The following C12orf42 variants were observed in gnomAD, a reference collection of about 807,000 sequenced individuals.
C12orf42 encodes chromosome 12 open reading frame 42.
In C12orf42, 25 loss-of-function variants were observed where a neutral mutation model predicts 21.6. The observed-to-expected ratio is 1.16, with a 90% CI of 0.84 to 1.62. The LOEUF is 1.62. Among genes scored for constraint, C12orf42 ranks in the 40% most tolerant of loss-of-function variants. The pLI is 0.00. For missense variants in C12orf42, 483 were observed against 459.3 expected, an observed-to-expected ratio of 1.05 and a Z score of -0.47; for synonymous variants, 174 against 175.0, an observed-to-expected ratio of 0.99 and a Z score of 0.05.
intron 3 of C12orf42, among the ~76,000 whole-genome samples, chr12:103,393,676 GT>G (rs1201552151): frequency 6.6e-6 from 1 of 152,150 alleles, no homozygotes; most frequent in Non-Finnish European, 1.5e-5. Context: ...TGAGGTCAGA[GT>G]TTTTTTGTTC....
chr12:103,075,064 G>C, the C12orf42 span, among the ~76,000 whole-genome samples: 2 of 152,260 alleles, frequency 1.3e-5, no homozygotes, highest in African/African-American at 4.8e-5. Flanking sequence ...CTCCAGCCTG[G>C]ATGATAGAGT....
upstream of C12orf42, among the ~76,000 whole-genome samples, chr12:103,497,950 G>A (rs146945792): frequency 6.6e-3 from 1,003 of 152,078 alleles, 6 homozygotes; most frequent in African/African-American, 0.023. Context: ...CAGGAGAATC[G>A]CTTGAACCTG....
At chr12:103,259,298 GAC>G (rs1405387294) in intron 10 of C12orf42, among the ~76,000 whole-genome samples, 1 of 152,120 alleles carries the variant, frequency 6.6e-6, no homozygotes, top group Non-Finnish European at 1.5e-5. Flanking sequence ...TTTTTCTTGA[GAC>G]AGAGTTTCAT....
chr12:103,290,354 A>C (rs1303006489), intron 4 of C12orf42, among the ~76,000 whole-genome samples: 1 of 152,200 alleles, frequency 6.6e-6, no homozygotes, highest in Non-Finnish European at 1.5e-5. Flanking sequence ...CTCCATGCTA[A>C]AGATTGCCTG....
At chr12:103,512,679 GT>G in the C12orf42 span, among the ~76,000 whole-genome samples, 1 of 152,184 alleles carries the variant, frequency 6.6e-6, no homozygotes, top group Non-Finnish European at 1.5e-5. Flanking sequence ...AAGGATTGCT[GT>G]TGTGGTGGTT....
chr12:103,113,260 G>C, the C12orf42 span, among the ~76,000 whole-genome samples: 1 of 152,148 alleles, frequency 6.6e-6, no homozygotes, highest in Non-Finnish European at 1.5e-5. Context: ...AGTGGTAGTG[G>C]GTTACTGCTT....
chr12:103,159,339 G>A, the C12orf42 span: 2 of 152,178 alleles, frequency 1.3e-5, no homozygotes, highest in African/African-American at 4.8e-5. Context: ...TGTTAGTGAT[G>A]ACACAGATTA....
chr12:103,511,383 T>C, the C12orf42 span, among the ~76,000 whole-genome samples: 1 of 150,206 alleles, frequency 6.7e-6, no homozygotes, highest in African/African-American at 2.4e-5. Context: ...TATACATTTA[T>C]ATAATTTATA....
At chr12:103,277,946 A>G (rs2035871033) in intron 4 of C12orf42, among the ~76,000 whole-genome samples, 1 of 152,204 alleles carries the variant, frequency 6.6e-6, no homozygotes, top group Admixed American at 6.5e-5. Context: ...CTATTAAGAG[A>G]TACAGAAAAT....
chr12:103,248,981 C>T (rs1214014997), intron 10 of C12orf42, among the ~76,000 whole-genome samples: 1 of 151,864 alleles, frequency 6.6e-6, no homozygotes, highest in Non-Finnish European at 1.5e-5. Flanking sequence ...TAGAATTTGG[C>T]CTCCAAAATG....
At chr12:103,559,129 T>C in the C12orf42 span, 8 of 152,196 alleles carry the variant, frequency 5.3e-5, no homozygotes, top group Non-Finnish European at 7.3e-5. Context: ...TTTGATCACA[T>C]AGTTTATGTT....
chr12:103,329,367 C>T (rs1205480424), intron 4 of C12orf42, among the ~76,000 whole-genome samples: 1 of 152,060 alleles, frequency 6.6e-6, no homozygotes, highest in Non-Finnish European at 1.5e-5. Flanking sequence ...ACATCACACA[C>T]AAGGTCCTGT....
At chr12:103,330,414 A>G (rs749700788) in intron 4 of C12orf42, among the ~76,000 whole-genome samples, 13 of 152,318 alleles carry the variant, frequency 8.5e-5, no homozygotes, top group African/African-American at 2.9e-4. Context: ...GTACATACGG[A>G]ATTCTAACAG....
chr12:103,462,423 T>C (rs1952800359), intron 2 of C12orf42, among the ~76,000 whole-genome samples: 1 of 152,016 alleles, frequency 6.6e-6, no homozygotes, highest in African/African-American at 2.4e-5. Context: ...TTTCCATTTT[T>C]GATAAGCTAT....
the C12orf42 span, chr12:103,559,941 A>G: frequency 6.6e-6 from 1 of 152,230 alleles, no homozygotes; most frequent in South Asian, 2.1e-4. Flanking sequence ...AATTACTTGT[A>G]TGACACCACT....
chr12:103,225,864 T>G, the C12orf42 span, among the ~76,000 whole-genome samples: 1 of 152,162 alleles, frequency 6.6e-6, no homozygotes, highest in Non-Finnish European at 1.5e-5. Flanking sequence ...TGGGCTTACC[T>G]TCCACTGTGA....
chr12:103,459,167 C>T (rs1260587243), intron 2 of C12orf42, among the ~76,000 whole-genome samples: 3 of 152,196 alleles, frequency 2.0e-5, no homozygotes, highest in African/African-American at 7.2e-5. Context: ...AAGGGCTCAT[C>T]TCAGTCTCTC....
chr12:103,313,815 T>C (rs1010547684), intron 4 of C12orf42, among the ~76,000 whole-genome samples: 1 of 152,216 alleles, frequency 6.6e-6, no homozygotes, highest in Admixed American at 6.5e-5. Flanking sequence ...CCTCAGCTTA[T>C]ACATTTCTTC....
chr12:103,500,583 T>C (rs902046023), upstream of C12orf42, among the ~76,000 whole-genome samples: 2 of 152,214 alleles, frequency 1.3e-5, no homozygotes, highest in Non-Finnish European at 2.9e-5. Context: ...ATGATGAAGA[T>C]ACCTGGCATT....
Sources: allele counts gnomAD v4.1 joint callset (sites outside exome capture counted in the v4.1 genomes callset), GRCh38; gene constraint gnomAD v4.1.1; transcripts MANE v1.5; gene names NCBI Gene and HGNC (gene_info 2026-07-23, HGNC 2026-07-21).